The following MORC2 variants were observed in gnomAD, a reference collection of about 807,000 sequenced individuals.
The protein encoded by MORC2 is ATPase MORC2.
MORC2 carries 30 observed loss-of-function variants against 136.0 expected under a neutral mutation model. That is an observed-to-expected ratio of 0.22 (90% CI 0.17 to 0.30). The LOEUF (loss-of-function observed/expected upper bound fraction) is 0.30, where lower values mean the gene tolerates loss of function less well. Ranked by LOEUF, MORC2 falls within the 10% of genes least tolerant of loss-of-function variation. The pLI is 1.00. For missense variants in MORC2, 922 were observed against 1,333.1 expected, an observed-to-expected ratio of 0.69 and a Z score of 4.80; for synonymous variants, 439 against 487.0, an observed-to-expected ratio of 0.90 and a Z score of 1.30.
At chr22:30,946,520 A>C in intron 5 of MORC2, 71 bp from the exon 6 acceptor site, 1 of 1,334,348 alleles carries the variant, frequency 7.5e-7, no homozygotes, top group Admixed American at 1.9e-5. Flanking sequence ...AAATCAATCC[A>C]CTCTGGACAT....
rs756131826 is a variant in MORC2 at position 30,928,199 on chromosome 22, G to A, written c.2850C>T (p.Tyr950=). 3.7e-6 allele frequency: 6 copies of A among 1,614,144 alleles called. No homozygotes were observed. The highest frequency in any genetic ancestry group is 5.1e-6 in the Non-Finnish European group (6 of 1,180,016). Residue 950 remains tyrosine (Y), a synonymous_variant, in exon 25 of 26, where the codon TAC becomes TAT. Transcript: ENST00000397641. ...DELISFPLKE[Y]FKQYEVGLQN... The stretch of plus-strand genomic sequence containing the variant: ...GGAGCCCTACTTCATATTGCTTGAA[G>A]TACTCCTTCTGTTGGGAGCAGAGCA...
chr22:30,929,474 C>T (rs1201848061), intron 24 of MORC2, among the ~76,000 whole-genome samples: 2 of 152,136 alleles, frequency 1.3e-5, no homozygotes, highest in Non-Finnish European at 2.9e-5. Flanking sequence ...GATGGCCAGG[C>T]GTGGTGCCTC....
intron 1 of MORC2, chr22:30,963,251 C>G: frequency 2.1e-6 from 2 of 932,428 alleles, no homozygotes; most frequent in Non-Finnish European, 1.3e-6. Context: ...GCTGGGATTA[C>G]AGGCGTGAGC....
intron 3 of MORC2, among the ~76,000 whole-genome samples, chr22:30,955,716 A>C (rs2040956868): frequency 6.6e-6 from 1 of 152,170 alleles, no homozygotes; most frequent in Admixed American, 6.5e-5. Flanking sequence ...TGTATTTAAA[A>C]GCTGTCTTCC....
rs2041157477 is a variant in MORC2 at position 30,968,140 on chromosome 22, G to A, written c.-251C>T. On this transcript the variant is annotated 5_prime_UTR_variant, in exon 1 of 26. Coordinates refer to ENST00000397641, the MANE Select transcript of MORC2 (RefSeq NM_001303256.3). Reference sequence around the variant, plus strand: ...TTGGAAGGAACTATGTCATAAATCTGTAGCTTTAAGGAGCTTTTAGCATTA... The same window carrying A: ...TTGGAAGGAACTATGTCATAAATCTATAGCTTTAAGGAGCTTTTAGCATTA... 4.4e-6 allele frequency: 2 copies of A among 454,156 alleles called. No homozygotes were observed. The highest frequency in any genetic ancestry group is 4.3e-5 in the East Asian group (1 of 23,414). The allele number at this position is 454,156 out of a possible 1,614,324, so 28.1% of individuals were successfully genotyped here.
At chr22:30,952,868 A>G (rs766508779) in intron 3 of MORC2, among the ~76,000 whole-genome samples, 38 of 152,232 alleles carry the variant, frequency 2.5e-4, no homozygotes, top group Admixed American at 7.2e-4. Context: ...GCTAGGAAGT[A>G]AAGGACAGGA....
chr22:30,937,879 C>T lies in MORC2; in HGVS notation c.1305G>A (p.Glu435=), dbSNP rs2040679430. Residue 435 remains glutamate, a synonymous_variant, in exon 14 of 26, where the codon GAG becomes GAA. Transcript: ENST00000397641. This position sits in a 1 kb window ranked among gnomAD's most constrained non-coding sequence, Gnocchi z 4.7. ...HNKQDFADAK[E]YRHLLRAMGE... ...CCATTGCTCGGAGCAGGTGCCGGTA[C>T]TCCTTGGCATCAGCAAAGTCCTGTT... 6.2e-7 allele frequency: 1 copy of T among 1,614,148 alleles called. No homozygotes were observed. The highest frequency in any genetic ancestry group is 8.5e-7 in the Non-Finnish European group (1 of 1,180,032).
rs1276771162 is a variant in MORC2 at position 30,941,090 on chromosome 22, ACCT to A, written c.825-256_825-254del. 6.6e-6 allele frequency among the ~76,000 whole-genome samples: 1 copy of A among 151,934 alleles called. No individual in the cohort carries two copies. Among genetic ancestry groups the A allele is most frequent in the Non-Finnish European group, 1.5e-5 (1 of 67,982 alleles). Reference sequence around the variant, plus strand: ...GTCATTCATCCCACAGCAGAAACAAACCTCAGGAGTAAGCCAAGCCCACTGCTT... The same window carrying A: ...GTCATTCATCCCACAGCAGAAACAAACAGGAGTAAGCCAAGCCCACTGCTT... On this transcript the variant is annotated intron_variant, in intron 9 of 25. Transcript: ENST00000397641. This position sits in a 1 kb window ranked among gnomAD's most constrained non-coding sequence, Gnocchi z 4.6.
chr22:30,967,410 T>G (rs997602118), intron 1 of MORC2: 1 of 987,838 alleles, frequency 1.0e-6, no homozygotes, highest in African/African-American at 1.7e-5. Flanking sequence ...TCTGTTTTCT[T>G]GTTAGAAAGT....
intron 11 of MORC2, 104 bp downstream of exon 11, chr22:30,939,855 C>G: frequency 1.4e-6 from 2 of 1,384,114 alleles, no homozygotes; most frequent in Non-Finnish European, 2.0e-6. Flanking sequence ...ACAGCCCTCA[C>G]TGGGGACAAA....
intron 1 of MORC2, among the ~76,000 whole-genome samples, chr22:30,962,767 A>ACC (rs1484483683): frequency 1.3e-5 from 2 of 152,206 alleles, no homozygotes. Context: ...CACTGTTGGT[A>ACC]AAGTCAGAGA....
At chr22:30,951,039 TC>T (rs144474050) in intron 3 of MORC2, among the ~76,000 whole-genome samples, 1 of 152,264 alleles carries the variant, frequency 6.6e-6, no homozygotes, top group African/African-American at 2.4e-5. Context: ...TACTGTCATA[TC>T]CCCTGCTAGC....
At chr22:30,926,964 C>T (rs2040494005) in intron 25 of MORC2, 93 bp from the exon 26 acceptor site, 1 of 1,073,778 alleles carries the variant, frequency 9.3e-7, no homozygotes, top group Admixed American at 1.9e-5. Flanking sequence ...GGATGGAGCC[C>T]AGAGTCCTCT....
intron 1 of MORC2, among the ~76,000 whole-genome samples, chr22:30,960,847 TTTG>T (rs1204747900): frequency 1.2e-3 from 174 of 151,156 alleles, no homozygotes; most frequent in East Asian, 2.0e-3. Flanking sequence ...ACAGCCATAT[TTTG>T]TTGTTGTTGT....
Position 30,932,622 on chromosome 22 carries a change from T to C in MORC2, c.2670A>G (p.Glu890=). The change falls in exon 23 of 26, where the codon GAA becomes GAG. Residue 890 remains glutamate (E), a synonymous_variant. Coordinates refer to ENST00000397641, the MANE Select transcript of MORC2 (RefSeq NM_001303256.3). This position sits in a 1 kb window ranked among gnomAD's most constrained non-coding sequence, Gnocchi z 4.4. ...AIAVAEPSTS[E]CLRIEPDTTA... is the part of the protein sequence containing the mutation. ...TGGTGTCAGGCTCAATGCGGAGGCATTCGGAAGTGGAGGGCTCTGCGACAG... is the reference window on the plus strand; with the variant it reads ...TGGTGTCAGGCTCAATGCGGAGGCACTCGGAAGTGGAGGGCTCTGCGACAG... The C allele has an allele frequency of 6.2e-7, 1 of 1,614,110 alleles. No homozygotes were observed.
intron 2 of MORC2, 24 bp from the exon 3 acceptor site, chr22:30,956,821 CAT>C: frequency 6.6e-7 from 1 of 1,525,784 alleles, no homozygotes; most frequent in Non-Finnish European, 8.9e-7. Flanking sequence ...AGAAAAGAAT[CAT>C]GTGAATTAAT....
intron 1 of MORC2, among the ~76,000 whole-genome samples, chr22:30,964,993 T>A (rs1170659921): frequency 6.6e-6 from 1 of 152,216 alleles, no homozygotes; most frequent in East Asian, 1.9e-4. Flanking sequence ...TTTCATATAA[T>A]CCTCGTAAAA....
intron 3 of MORC2, among the ~76,000 whole-genome samples, chr22:30,952,111 C>T (rs2040896914): frequency 6.6e-6 from 1 of 152,000 alleles, no homozygotes; most frequent in Non-Finnish European, 1.5e-5. Context: ...CTGGGGAATC[C>T]AAATGAGACG....
chr22:30,946,736 C>T (rs146796449), intron 5 of MORC2, among the ~76,000 whole-genome samples: 36 of 152,206 alleles, frequency 2.4e-4, no homozygotes, highest in African/African-American at 5.8e-4. Flanking sequence ...GGCGGGCTCA[C>T]GGCAGACCAC....
Sources: allele counts gnomAD v4.1 joint callset (sites outside exome capture counted in the v4.1 genomes callset), GRCh38; gene constraint gnomAD v4.1.1; non-coding constraint Gnocchi (gnomAD v3.1); transcripts MANE v1.5; gene names NCBI Gene and HGNC (gene_info 2026-07-23, HGNC 2026-07-21).